The following UBE2O variants were observed in gnomAD, a reference collection of about 807,000 sequenced individuals.
The protein encoded by UBE2O is (E3-independent) E2 ubiquitin-conjugating enzyme.
A neutral mutation model predicts 125.8 loss-of-function variants in UBE2O; 15 were observed. The ratio of observed to expected loss-of-function variants is 0.12; its 90% CI spans 0.08 to 0.18. The LOEUF is 0.18. UBE2O is among the 10% of genes least tolerant of loss of function. The probability of loss-of-function intolerance (pLI) is 1.00; values close to 1 mark genes in which losing one functional copy is unlikely to be tolerated. For synonymous variants in UBE2O, 708 were observed against 703.2 expected, an observed-to-expected ratio of 1.01 and a Z score of -0.11; for missense variants, 1,280 against 1,723.6, an observed-to-expected ratio of 0.74 and a Z score of 4.56.
intron 1 of UBE2O, among the ~76,000 whole-genome samples, chr17:76,422,976 C>T (rs1266562990): frequency 6.6e-6 from 1 of 152,194 alleles, no homozygotes; most frequent in Non-Finnish European, 1.5e-5. Context: ...GCTAGCAATG[C>T]CTGATGCTGC....
chr17:76,395,800 T>C lies in UBE2O; in HGVS notation c.2871A>G (p.Thr957=), dbSNP rs1363878823. Residue 957 remains threonine, a synonymous_variant, in exon 15 of 18, where the codon ACA becomes ACG. Coordinates refer to ENST00000319380, the MANE Select transcript of UBE2O (RefSeq NM_022066.4). This position sits in a 1 kb window ranked among gnomAD's most constrained non-coding sequence, Gnocchi z 5.0. ...QPPEAKKFFS[T]VRKEMALLAT... ...CCAGCAGCGCCATCTCCTTCCGCAC[T>C]GTGCTGAAGAACTTCTTGGCTTCTG... is the stretch of plus-strand genomic sequence containing the variant. 2 of 1,614,100 alleles carry C rather than the reference T, an allele frequency of 1.2e-6. No individual in the cohort carries two copies. The highest frequency in any genetic ancestry group is 1.7e-5 in the Admixed American group (1 of 59,998).
chr17:76,423,796 A>T (rs997204100), intron 1 of UBE2O, among the ~76,000 whole-genome samples: 3 of 151,342 alleles, frequency 2.0e-5, no homozygotes, highest in Admixed American at 6.6e-5. Context: ...TAATTGATAG[A>T]GGTGGCCTAC....
chr17:76,423,999 C>T (rs985235504), intron 1 of UBE2O, among the ~76,000 whole-genome samples: 1 of 148,592 alleles, frequency 6.7e-6, no homozygotes, highest in Non-Finnish European at 1.5e-5. Flanking sequence ...GCTCCACCTC[C>T]CAAGTTCACG....
At chr17:76,445,915 G>A (rs2073143010) in intron 1 of UBE2O, among the ~76,000 whole-genome samples, 1 of 152,174 alleles carries the variant, frequency 6.6e-6, no homozygotes, top group Admixed American at 6.5e-5. Context: ...AAATGTGGAT[G>A]GGCAGCATTT....
In UBE2O at chr17:76,399,059, T is replaced by G; in HGVS notation, c.1629-68A>C. ...CCTCCGCGGAAAGGGCAGAGAGTCT[T>G]TCTGTCCCTTCCTGTCCCTGTGGGC... On this transcript the variant is annotated intron_variant, in intron 9 of 17. Coordinates refer to ENST00000319380, the MANE Select transcript of UBE2O (RefSeq NM_022066.4). The surrounding 1 kb of genome is among the most constrained non-coding windows in gnomAD (Gnocchi z 6.9). 6.4e-7 allele frequency: 1 copy of G among 1,563,208 alleles called. No individual in the cohort carries two copies. The highest frequency in any genetic ancestry group is 2.3e-5 in the East Asian group (1 of 44,382).
At position 76,400,306 on chromosome 17, in the gene UBE2O, GGAA is replaced by G; in HGVS notation, c.1005-12_1005-10del. 6.2e-7 allele frequency: 1 copy of G among 1,612,824 alleles called. No individual in the cohort carries two copies. The highest frequency in any genetic ancestry group is 8.5e-7 in the Non-Finnish European group (1 of 1,179,198). ...ATCCGAGACGCTTCACCCTGGTTGGGGAAGAAGTGGGGGTGAGCTGGGCTGGAC... is the reference window on the plus strand; with the variant it reads ...ATCCGAGACGCTTCACCCTGGTTGGGGAAGTGGGGGTGAGCTGGGCTGGAC... On this transcript the variant is annotated splice_polypyrimidine_tract_variant and intron_variant, in intron 7 of 17. Transcript: ENST00000319380. This position sits in a 1 kb window ranked among gnomAD's most constrained non-coding sequence, Gnocchi z 4.3.
In UBE2O at chr17:76,428,641, T is replaced by G. The variant is rs149462827; in HGVS notation, c.418-23069A>C. ...GCCTCTACCTTCCATACTGGAAGCT[T>G]TCTGAACATATCCAGTTATTCTTGG... On this transcript the variant is annotated intron_variant, in intron 1 of 17. Coordinates refer to ENST00000319380, the MANE Select transcript of UBE2O (RefSeq NM_022066.4). 3.9e-5 allele frequency among the ~76,000 whole-genome samples: 6 copies of G among 152,338 alleles called. No individual in the cohort carries two copies. The East Asian group carries it at 1.2e-3, about 29-fold the overall frequency.
At position 76,396,447 on chromosome 17, in the gene UBE2O, C is replaced by T; in HGVS notation, c.2490G>A (p.Glu830=). Residue 830 remains glutamate (E), a synonymous_variant, in exon 14 of 18, where the codon GAG becomes GAA. Coordinates refer to ENST00000319380, the MANE Select transcript of UBE2O (RefSeq NM_022066.4). This position sits in a 1 kb window ranked among gnomAD's most constrained non-coding sequence, Gnocchi z 6.7. ...AGGTGGGCGAGCCCGTCAGCAGCTG[C>T]TCCACAGTCATGTTCTTGAGGCTCT... is the stretch of plus-strand genomic sequence containing the variant. ...ILESLKNMTV[E]QLLTGSPTSP... 1.2e-6 allele frequency: 2 copies of T among 1,614,184 alleles called. No individual in the cohort carries two copies. Among genetic ancestry groups the T allele is most frequent in the Non-Finnish European group, 1.7e-6 (2 of 1,180,036 alleles).
chr17:76,436,715 T>C (rs1478300928), intron 1 of UBE2O, among the ~76,000 whole-genome samples: 1 of 152,144 alleles, frequency 6.6e-6, no homozygotes, highest in Admixed American at 6.5e-5. Flanking sequence ...ACTTGACCCC[T>C]TGCCCTGACA....
chr17:76,433,756 G>A (rs965618171), intron 1 of UBE2O, among the ~76,000 whole-genome samples: 2 of 151,832 alleles, frequency 1.3e-5, no homozygotes, highest in Non-Finnish European at 2.9e-5. Flanking sequence ...CGGCCAGTGC[G>A]GTGGCCTGTA....
At chr17:76,421,401 CTT>C (rs77554883) in intron 1 of UBE2O, among the ~76,000 whole-genome samples, 21,810 of 151,774 alleles carry the variant, frequency 0.14, 2,007 homozygotes, top group East Asian at 0.4. Flanking sequence ...GAGTTTCGCT[CTT>C]GTTGCCCAGG....
chr17:76,452,981 G>C lies in UBE2O; in HGVS notation c.161C>G (p.Ala54Gly). Residue 54 changes from alanine to glycine, a missense_variant, in exon 1 of 18, where the codon GCC becomes GGC. Ala to Gly is a moderately conservative substitution (Grantham distance 60, BLOSUM62 0). Coordinates refer to ENST00000319380, the MANE Select transcript of UBE2O (RefSeq NM_022066.4). This position sits in a 1 kb window ranked among gnomAD's most constrained non-coding sequence, Gnocchi z 4.4. ...SGPSSDSGPE[A>G]GSQRLLFSHD... Reference sequence around the variant, plus strand: ...AGAAAACAGCAGGCGCTGCGAGCCGGCTTCTGGGCCGGAGTCCGAGGACGG... The same window carrying C: ...AGAAAACAGCAGGCGCTGCGAGCCGCCTTCTGGGCCGGAGTCCGAGGACGG... The C allele has an allele frequency of 4.7e-6, 7 of 1,493,758 alleles. No individual in the cohort carries two copies. Among genetic ancestry groups the C allele is most frequent in the Non-Finnish European group, 5.3e-6 (6 of 1,121,732 alleles). The allele number at this position is 1,493,758 out of a possible 1,614,324, so 92.5% of individuals were successfully genotyped here.
chr17:76,402,594 G>C lies in UBE2O; in HGVS notation c.686+8C>G. The C allele has an allele frequency of 6.2e-7, 1 of 1,612,944 alleles. No homozygotes were observed. The highest frequency in any genetic ancestry group is 8.5e-7 in the Non-Finnish European group (1 of 1,178,962). ...CAAGCCGATGGCTCTCTGGTGGTGAGACTCTACCTGGCGCCGTTGGATAGC... is the reference window on the plus strand; with the variant it reads ...CAAGCCGATGGCTCTCTGGTGGTGACACTCTACCTGGCGCCGTTGGATAGC... On this transcript the variant is annotated splice_region_variant and intron_variant, in intron 4 of 17. Transcript: ENST00000319380. This position sits in a 1 kb window ranked among gnomAD's most constrained non-coding sequence, Gnocchi z 5.4.
intron 1 of UBE2O, among the ~76,000 whole-genome samples, chr17:76,417,134 A>G (rs372126): frequency 0.83 from 126,703 of 152,242 alleles, 53,255 homozygotes; most frequent in East Asian, 1. Context: ...TTCCGGCTAC[A>G]GCTCCAGAGC....
Position 76,424,934 on chromosome 17 carries a change from G to A in UBE2O, c.418-19362C>T, listed in dbSNP as rs1183748262. 5.4e-5 allele frequency among the ~76,000 whole-genome samples: 8 copies of A among 149,168 alleles called. No individual in the cohort carries two copies. The South Asian group carries it at 6.3e-4, about 12-fold the overall frequency. On this transcript the variant is annotated intron_variant, in intron 1 of 17. Coordinates refer to ENST00000319380, the MANE Select transcript of UBE2O (RefSeq NM_022066.4). The stretch of plus-strand genomic sequence containing the variant: ...CACCCAGGCTGGAGTGCAGTGGCGC[G>A]ATCTCAGCTCACTGCAAGCTCCGCC...
chr17:76,441,135 G>A lies in UBE2O; in HGVS notation c.417+11590C>T, dbSNP rs141048621. ...AAATGGGGCACTGGCCACTTTAAGG[G>A]AAGTGAGATGACACAGGTAAAGTGT... is the stretch of plus-strand genomic sequence containing the variant. On this transcript the variant is annotated intron_variant, in intron 1 of 17. Transcript: ENST00000319380. 7.3e-3 allele frequency among the ~76,000 whole-genome samples: 1,113 copies of A among 152,332 alleles called. 9 individuals are homozygous for A. The highest frequency in any genetic ancestry group is 0.014 in the Middle Eastern group (4 of 294).
chr17:76,434,242 C>A (rs1429452420), intron 1 of UBE2O, among the ~76,000 whole-genome samples: 1 of 152,188 alleles, frequency 6.6e-6, no homozygotes, highest in South Asian at 2.1e-4. Flanking sequence ...AAACCCAGCA[C>A]ACAGTCCTAT....
Position 76,401,170 on chromosome 17 carries a change from C to A in UBE2O, c.751-16G>T. On this transcript the variant is annotated splice_polypyrimidine_tract_variant and intron_variant, in intron 5 of 17. Coordinates refer to ENST00000319380, the MANE Select transcript of UBE2O (RefSeq NM_022066.4). Reference sequence around the variant, plus strand: ...AGAAGAGACCCTGCGGGATGTGGGGCCAAAGGAAAGTCCCCGTGAGCGGTG... The same window carrying A: ...AGAAGAGACCCTGCGGGATGTGGGGACAAAGGAAAGTCCCCGTGAGCGGTG... 2 of 1,612,004 alleles carry A rather than the reference C, an allele frequency of 1.2e-6. No individual in the cohort carries two copies. Among genetic ancestry groups the A allele is most frequent in the Non-Finnish European group, 1.7e-6 (2 of 1,179,056 alleles).
chr17:76,424,980 C>T (rs1011442515), intron 1 of UBE2O, among the ~76,000 whole-genome samples: 1 of 151,208 alleles, frequency 6.6e-6, no homozygotes, highest in Non-Finnish European at 1.5e-5. Flanking sequence ...ATGCCATTCT[C>T]CTGCCTCAGC....
Sources: allele counts gnomAD v4.1 joint callset (sites outside exome capture counted in the v4.1 genomes callset), GRCh38; gene constraint gnomAD v4.1.1; non-coding constraint Gnocchi (gnomAD v3.1); transcripts MANE v1.5; gene names NCBI Gene and HGNC (gene_info 2026-07-23, HGNC 2026-07-21).